CRIP1: variants seen among roughly 807,000 people sequenced by gnomAD.
CRIP1 encodes the protein cysteine-rich protein 1.
A neutral mutation model predicts 12.9 loss-of-function variants in CRIP1; 11 were observed. The ratio of observed to expected loss-of-function variants is 0.86; its 90% CI spans 0.54 to 1.42. The LOEUF is 1.42. CRIP1 is among the 40% of genes most tolerant of loss of function. The probability of loss-of-function intolerance (pLI) is 0.00; values close to 1 mark genes in which losing one functional copy is unlikely to be tolerated. For synonymous variants in CRIP1, 41 were observed against 37.2 expected, an observed-to-expected ratio of 1.10 and a Z score of -0.37; for missense variants, 122 against 101.3, an observed-to-expected ratio of 1.20 and a Z score of -0.88.
At chr14:105,487,137 G>T (rs7160858) in intron 1 of CRIP1, 62 bp from the exon 2 acceptor site, 1,379,967 of 1,417,984 alleles carry the variant, frequency 0.97, 679,370 homozygotes, top group Non-Finnish European at 1. Flanking sequence ...CGAGGGGCGG[G>T]GTCTCCAAGG....
At position 105,488,460 on chromosome 14, in the gene CRIP1, C is replaced by T. The variant is rs202000136; in HGVS notation, c.194-11C>T. The T allele has an allele frequency of 8.0e-5, 128 of 1,601,920 alleles. No individual in the cohort carries two copies. The East Asian group carries it at 2.3e-3, about 29-fold the overall frequency. Reference sequence around the variant, plus strand: ...ACCCCAGCCTGTTGACTTTTTCCACCTTCTCTGCAGGCTTTGGGCGGGGCG... The same window carrying T: ...ACCCCAGCCTGTTGACTTTTTCCACTTTCTCTGCAGGCTTTGGGCGGGGCG... On this transcript the variant is annotated splice_polypyrimidine_tract_variant and intron_variant, in intron 4 of 5. Transcript: ENST00000392531.
In CRIP1 at chr14:105,487,825, A is replaced by T. The variant is rs895733112; in HGVS notation, c.41-341A>T. On this transcript the variant is annotated intron_variant, in intron 2 of 5. Coordinates refer to ENST00000392531, the MANE Select transcript of CRIP1 (RefSeq NM_001311.5). ...ACCGCAGAGGCCCGGGGCTGAAAGC[A>T]GGCAGCCAGGCCCAGGCCCTGCTGA... The T allele has an allele frequency of 1.0e-4, 31 of 304,354 alleles. No homozygotes were observed. In the East Asian group the frequency reaches 1.7e-3, roughly 17 times the overall value. 18.9% of individuals were successfully genotyped at this position (304,354 alleles called of 1,614,324 possible).
chr14:105,487,180 C>T lies in CRIP1; in HGVS notation c.-61-19C>T. On this transcript the variant is annotated intron_variant, in intron 1 of 5. Coordinates refer to ENST00000392531, the MANE Select transcript of CRIP1 (RefSeq NM_001311.5). The stretch of plus-strand genomic sequence containing the variant: ...TCCCGGGGTCCCTGAAAGGCGCGGA[C>T]CAGGCCGGATCCACCCAGTCTCGCG... 6.6e-7 allele frequency: 1 copy of T among 1,524,570 alleles called. No individual in the cohort carries two copies. The highest frequency in any genetic ancestry group is 1.4e-5 in the African/African-American group (1 of 71,024). The allele number at this position is 1,524,570 out of a possible 1,614,324, so 94.4% of individuals were successfully genotyped here. A position where few individuals can be genotyped will look rare whatever the true frequency, so the allele number is the denominator to read the frequency against.
Position 105,488,351 on chromosome 14 carries a change from C to T in CRIP1, c.156C>T (p.Cys52=), listed in dbSNP as rs782014612. The T allele has an allele frequency of 1.9e-6, 3 of 1,613,524 alleles. No homozygotes were observed. The highest frequency in any genetic ancestry group is 3.3e-4 in the Middle Eastern group (2 of 6,034). ...GHAEHEGKPY[C]NHPCYAAMFG... ...TGCAGCACGAAGGCAAACCCTACTG[C>T]AACCACCCCTGCTACGCAGCCATGT... The change falls in exon 4 of 6, where the codon TGC becomes TGT. Residue 52 remains cysteine (C), a synonymous_variant. Coordinates refer to ENST00000392531, the MANE Select transcript of CRIP1 (RefSeq NM_001311.5).
rs782321272 is a variant in CRIP1, at chr14:105,488,233, G to C, written c.108G>C (p.Lys36Asn). Residue 36 changes from lysine to asparagine, a missense_variant, in exon 3 of 6, where the codon AAG (lysine) becomes AAC (asparagine). Lys to Asn is a moderately conservative substitution (Grantham distance 94). Coordinates refer to ENST00000392531, the MANE Select transcript of CRIP1 (RefSeq NM_001311.5). Reference sequence around the variant, plus strand: ...GCCTGAAGTGCGAGAAATGTGGGAAGACGCTGACCTCTGGGGGCCACGCTG... The same window carrying C: ...GCCTGAAGTGCGAGAAATGTGGGAACACGCTGACCTCTGGGGGCCACGCTG... ...RPCLKCEKCG[K>N]TLTSGGHAEH... The C allele has an allele frequency of 5.0e-6, 8 of 1,613,446 alleles. No homozygotes were observed. Among genetic ancestry groups the C allele is most frequent in the Non-Finnish European group, 6.8e-6 (8 of 1,180,024 alleles).
rs782525427 is a variant in CRIP1 at position 105,487,217 on chromosome 14, T to C, written c.-43T>C. On this transcript the variant is annotated 5_prime_UTR_variant, in exon 2 of 6. Transcript: ENST00000392531. ...CACCCAGTCTCGCGCCTGCAGCCCGTGCCGCCCCAGCCGCTGCCGCCTGCA... is the reference window on the plus strand; with the variant it reads ...CACCCAGTCTCGCGCCTGCAGCCCGCGCCGCCCCAGCCGCTGCCGCCTGCA... 2 of 1,539,756 alleles carry C rather than the reference T, an allele frequency of 1.3e-6. No individual in the cohort carries two copies. The highest frequency in any genetic ancestry group is 8.7e-7 in the Non-Finnish European group (1 of 1,143,002).
intron 2 of CRIP1, chr14:105,487,786 G>T (rs2084134979): frequency 4.0e-6 from 1 of 252,194 alleles, no homozygotes; most frequent in East Asian, 8.2e-5. Flanking sequence ...GCTGTCGCAG[G>T]CTCCACCCTT....
At chr14:105,488,052 C>G in intron 2 of CRIP1, 114 bp from the exon 3 acceptor site, 2 of 1,099,792 alleles carry the variant, frequency 1.8e-6, no homozygotes, top group Non-Finnish European at 1.3e-6. Flanking sequence ...TGGGCGGATG[C>G]GGGCTAAGTG....
chr14:105,488,192 G>T lies in CRIP1; in HGVS notation c.67G>T (p.Asp23Tyr). Residue 23 changes from aspartate (D) to tyrosine (Y), a missense_variant, in exon 3 of 6, where the codon GAC becomes TAC. Physicochemically the swap from Asp to Tyr is radical, Grantham distance 160. Coordinates refer to ENST00000392531, the MANE Select transcript of CRIP1 (RefSeq NM_001311.5). Reference protein sequence around the residue: ...FAERVTSLGKDWHRPCLKCEK... With the variant: ...FAERVTSLGKYWHRPCLKCEK... Reference sequence around the variant, plus strand: ...CGAGAGGGTGACCTCTCTGGGCAAGGACTGGCATCGGCCCTGCCTGAAGTG... The same window carrying T: ...CGAGAGGGTGACCTCTCTGGGCAAGTACTGGCATCGGCCCTGCCTGAAGTG... The T allele has an allele frequency of 1.2e-6, 2 of 1,613,096 alleles. No individual in the cohort carries two copies. The highest frequency in any genetic ancestry group is 4.5e-5 in the East Asian group (2 of 44,876).
chr14:105,488,175 T>G lies in CRIP1; in HGVS notation c.50T>G (p.Val17Gly), dbSNP rs1555438422. The G allele has an allele frequency of 3.1e-6, 5 of 1,612,244 alleles. No homozygotes were observed. The highest frequency in any genetic ancestry group is 1.1e-5 in the South Asian group (1 of 91,050). Residue 17 changes from valine to glycine, a missense_variant, in exon 3 of 6, where the codon GTG becomes GGG. Val to Gly is a moderately radical substitution (Grantham distance 109). Coordinates refer to ENST00000392531, the MANE Select transcript of CRIP1 (RefSeq NM_001311.5). Reference sequence around the variant, plus strand: ...GTCTGTGCCTCTGCAGCCGAGAGGGTGACCTCTCTGGGCAAGGACTGGCAT... The same window carrying G: ...GTCTGTGCCTCTGCAGCCGAGAGGGGGACCTCTCTGGGCAAGGACTGGCAT... ...CNKEVYFAERVTSLGKDWHRP... is the reference protein window; with the variant it reads ...CNKEVYFAERGTSLGKDWHRP...
intron 2 of CRIP1, chr14:105,487,666 G>A (rs967449317): frequency 3.6e-5 from 8 of 221,190 alleles, no homozygotes; most frequent in Non-Finnish European, 7.0e-5. Context: ...AAACAGACGC[G>A]GAAACCGACG....
chr14:105,487,988 T>G, intron 2 of CRIP1, 178 bp from the exon 3 acceptor site: 5 of 609,328 alleles, frequency 8.2e-6, no homozygotes, highest in African/African-American at 1.8e-5. Flanking sequence ...GCTCTGGGGA[T>G]TGGAGATGTT....
At chr14:105,487,090 C>A in intron 1 of CRIP1, 109 bp from the exon 2 acceptor site, 1 of 1,365,708 alleles carries the variant, frequency 7.3e-7, no homozygotes, top group Non-Finnish European at 9.6e-7. Context: ...GATTCGAGGT[C>A]CCCAGGGTCC....
At position 105,488,489 on chromosome 14, in the gene CRIP1, C is replaced by A; in HGVS notation, c.212C>A (p.Ala71Asp). Residue 71 changes from alanine (A) to aspartate (D), a missense_variant, in exon 5 of 6, where the codon GCC becomes GAC. Coordinates refer to ENST00000392531, the MANE Select transcript of CRIP1 (RefSeq NM_001311.5). ...FGPKGFGRGG[A>D]ESHTFK Reference sequence around the variant, plus strand: ...TCTGCAGGCTTTGGGCGGGGCGGAGCCGAGAGCCACACTTTCAAGTAAACC... The same window carrying A: ...TCTGCAGGCTTTGGGCGGGGCGGAGACGAGAGCCACACTTTCAAGTAAACC... 1 of 1,559,814 alleles carries A rather than the reference C, an allele frequency of 6.4e-7. No individual in the cohort carries two copies.
chr14:105,488,449 ACT>A lies in CRIP1; in HGVS notation c.194-21_194-20del. ...CAGCCTCCTCCACCCCAGCCTGTTG[ACT>A]TTTTCCACCTTCTCTGCAGGCTTTG... On this transcript the variant is annotated intron_variant, in intron 4 of 5. Transcript: ENST00000392531. The A allele has an allele frequency of 7.5e-7, 1 of 1,339,458 alleles. No homozygotes were observed. The highest frequency in any genetic ancestry group is 1.8e-5 in the African/African-American group (1 of 56,810). The allele number at this position is 1,339,458 out of a possible 1,614,324, so 83.0% of individuals were successfully genotyped here.
In CRIP1 at chr14:105,487,212, G is replaced by T. The variant is rs2084128818; in HGVS notation, c.-48G>T. Reference sequence around the variant, plus strand: ...GGATCCACCCAGTCTCGCGCCTGCAGCCCGTGCCGCCCCAGCCGCTGCCGC... The same window carrying T: ...GGATCCACCCAGTCTCGCGCCTGCATCCCGTGCCGCCCCAGCCGCTGCCGC... On this transcript the variant is annotated 5_prime_UTR_variant, in exon 2 of 6. Coordinates refer to ENST00000392531, the MANE Select transcript of CRIP1 (RefSeq NM_001311.5). The T allele has an allele frequency of 6.5e-7, 1 of 1,539,146 alleles. No individual in the cohort carries two copies. The highest frequency in any genetic ancestry group is 1.2e-5 in the South Asian group (1 of 82,760).
At position 105,488,312 on chromosome 14, in the gene CRIP1, A is replaced by G. The variant is rs2084145000; in HGVS notation, c.136-19A>G. On this transcript the variant is annotated intron_variant, in intron 3 of 5. Coordinates refer to ENST00000392531, the MANE Select transcript of CRIP1 (RefSeq NM_001311.5). ...GGGCCAGGGGTGATGGCACCCCCTC[A>G]CGGCCCTTCTCTTTGCAGCACGAAG... 6.2e-7 allele frequency: 1 copy of G among 1,613,292 alleles called. No homozygotes were observed. The highest frequency in any genetic ancestry group is 1.7e-5 in the Admixed American group (1 of 60,004).
chr14:105,487,008 G>A, intron 1 of CRIP1, 36 bp downstream of exon 1: 7 of 1,319,344 alleles, frequency 5.3e-6, no homozygotes, highest in Non-Finnish European at 6.8e-6. Flanking sequence ...CCCGCGCTCC[G>A]TCCTCAGTCA....
chr14:105,487,890 C>T (rs746467086), intron 2 of CRIP1: 1 of 505,990 alleles, frequency 2.0e-6, no homozygotes, highest in Non-Finnish European at 3.6e-6. Context: ...CGCCCTCTAG[C>T]CCCACCCAGC....
Sources: allele counts gnomAD v4.1 joint callset, GRCh38; gene constraint gnomAD v4.1.1; transcripts MANE v1.5; gene names NCBI Gene and HGNC (gene_info 2026-07-23, HGNC 2026-07-21).